SVIL: variants seen among roughly 807,000 people sequenced by gnomAD.
SVIL encodes the protein archvillin.
Under a neutral mutation model 240.4 loss-of-function variants are expected in SVIL, and 101 were observed. The ratio of observed to expected loss-of-function variants is 0.42; its 90% CI spans 0.36 to 0.50. The LOEUF (loss-of-function observed/expected upper bound fraction) is 0.50. Ranked by LOEUF, SVIL falls within the 20% of genes least tolerant of loss-of-function variation. The pLI, the probability that SVIL is intolerant of heterozygous loss-of-function variation, is 0.01. For synonymous variants in SVIL, 999 were observed against 1,100.0 expected (o/e 0.91, Z 1.82); for missense variants, 2,512 against 2,818.7 (o/e 0.89, Z 2.46).
chr10:29,617,803 G>C (rs1957484194), intron 1 of SVIL, among the ~76,000 whole-genome samples: 1 of 152,184 alleles, frequency 6.6e-6, no homozygotes, highest in African/African-American at 2.4e-5. Context: ...ATTAGTTTCA[G>C]TGTGGCTCTC....
intron 1 of SVIL, among the ~76,000 whole-genome samples, chr10:29,695,141 C>A (rs1961826735): frequency 6.6e-6 from 1 of 152,172 alleles, no homozygotes. Context: ...GATGTGGCAC[C>A]ACCAACACTA....
intron 2 of SVIL, among the ~76,000 whole-genome samples, chr10:29,674,775 C>CTCAAGGAGAA (rs1357911932): frequency 1.3e-5 from 2 of 152,150 alleles, no homozygotes; most frequent in African/African-American, 4.8e-5. Flanking sequence ...GCTGGAGGCT[C>CTCAAGGAGAA]TCAAGGAGAA....
At chr10:29,676,561 G>A (rs60180663) in intron 2 of SVIL, among the ~76,000 whole-genome samples, 5,226 of 152,242 alleles carry the variant, frequency 0.034, 306 homozygotes, top group African/African-American at 0.12. Flanking sequence ...GAGGTTTGCA[G>A]AGATTTCCTC....
chr10:29,661,184 A>AG, intron 2 of SVIL, among the ~76,000 whole-genome samples: 1 of 151,748 alleles, frequency 6.6e-6, no homozygotes, highest in Admixed American at 6.5e-5. Flanking sequence ...AAAAAAAAAA[A>AG]GCCTGTGCCT....
intron 5 of SVIL, 133 bp from the exon 6 acceptor site, chr10:29,551,396 T>C: frequency 1.2e-6 from 1 of 835,746 alleles, no homozygotes; most frequent in Non-Finnish European, 1.8e-6. Flanking sequence ...CTCACCGAGG[T>C]GTGTTTGCCT....
intron 1 of SVIL, among the ~76,000 whole-genome samples, chr10:29,718,340 T>A (rs1313175817): frequency 2.0e-5 from 3 of 151,156 alleles, no homozygotes; most frequent in Admixed American, 6.6e-5. Context: ...AAAAAAAAAA[T>A]TCGCCTGTTT....
chr10:29,488,777 AAC>A lies in SVIL; in HGVS notation c.4193-23_4193-22del, dbSNP rs1588948593. The A allele has an allele frequency of 5.0e-6, 8 of 1,606,190 alleles. No individual in the cohort carries two copies. In the African/African-American group the frequency reaches 6.7e-5, roughly 13 times the overall value. ...AGACACTGGGCACGTTGAATAAGGA[AAC>A]ACAACGCAGGAGGTTCAGTTACAGT... On this transcript the variant is annotated intron_variant, in intron 22 of 37. Coordinates refer to ENST00000355867, the MANE Select transcript of SVIL (RefSeq NM_021738.3).
In SVIL at chr10:29,465,768, A is replaced by C. The variant is rs780761335; in HGVS notation, c.5978-18T>G. ...TCCAGGATCTTTGAAAGAAAAGAGAACAAAGCTGAAGATATCATGTGCATC... is the reference window on the plus strand; with the variant it reads ...TCCAGGATCTTTGAAAGAAAAGAGACCAAAGCTGAAGATATCATGTGCATC... On this transcript the variant is annotated intron_variant, in intron 33 of 37. Coordinates refer to ENST00000355867, the MANE Select transcript of SVIL (RefSeq NM_021738.3). 3 of 1,609,456 alleles carry C rather than the reference A, an allele frequency of 1.9e-6. No homozygotes were observed. The African/African-American group carries it at 4.0e-5, about 22-fold the overall frequency.
chr10:29,571,464 C>T (rs571865775), intron 1 of SVIL, among the ~76,000 whole-genome samples: 80 of 152,306 alleles, frequency 5.3e-4, no homozygotes, highest in African/African-American at 9.9e-4. Flanking sequence ...GAAGAAGGGA[C>T]GCTTGAGTAT....
chr10:29,527,164 C>A, intron 12 of SVIL, 108 bp from the exon 13 acceptor site: 1 of 1,029,684 alleles, frequency 9.7e-7, no homozygotes, highest in East Asian at 2.7e-5. Context: ...AAAATTTTAA[C>A]AGAATATTTT....
At chr10:29,473,783 C>G in intron 30 of SVIL, 55 bp downstream of exon 30, 1 of 1,610,572 alleles carries the variant, frequency 6.2e-7, no homozygotes, top group East Asian at 2.2e-5. Flanking sequence ...GCCATCGGCT[C>G]CCAGGAGAGG....
chr10:29,586,912 G>T (rs1210381353), intron 1 of SVIL, among the ~76,000 whole-genome samples: 1 of 152,108 alleles, frequency 6.6e-6, no homozygotes, highest in Non-Finnish European at 1.5e-5. Flanking sequence ...GTGGGAGGAG[G>T]GAGAAGATTA....
intron 10 of SVIL, among the ~76,000 whole-genome samples, 188 bp from the exon 11 acceptor site, chr10:29,530,856 C>T (rs1356160489): frequency 6.6e-6 from 1 of 152,198 alleles, no homozygotes; most frequent in Non-Finnish European, 1.5e-5. Flanking sequence ...ACTAATTTCC[C>T]TTGCAATTCA....
intron 1 of SVIL, among the ~76,000 whole-genome samples, chr10:29,602,712 G>A (rs374867350): frequency 2.0e-5 from 3 of 152,002 alleles, no homozygotes; most frequent in East Asian, 1.9e-4. Context: ...GAGGCCGGGC[G>A]CTGTGGCTCA....
At chr10:29,557,203 C>T (rs1392528572) in intron 3 of SVIL, among the ~76,000 whole-genome samples, 3 of 152,142 alleles carry the variant, frequency 2.0e-5, no homozygotes, top group African/African-American at 7.2e-5. Flanking sequence ...TCAAGTGATC[C>T]TCCCAACTCA....
intron 1 of SVIL, among the ~76,000 whole-genome samples, chr10:29,699,637 A>T (rs1360309871): frequency 6.6e-6 from 1 of 152,186 alleles, no homozygotes; most frequent in African/African-American, 2.4e-5. Flanking sequence ...AGCTCAGGAC[A>T]CGCTGAAGCC....
intron 11 of SVIL, 83 bp from the exon 12 acceptor site, chr10:29,529,927 T>G: frequency 7.1e-7 from 1 of 1,405,786 alleles, no homozygotes; most frequent in Non-Finnish European, 9.5e-7. Flanking sequence ...TCCCAGCACT[T>G]TGGGAGGCTA....
At chr10:29,535,951 T>C (rs780515575) in intron 7 of SVIL, 38 bp downstream of exon 7, 17 of 1,608,506 alleles carry the variant, frequency 1.1e-5, no homozygotes, top group Non-Finnish European at 1.4e-5. Flanking sequence ...GAAGCAACAC[T>C]CATGCACACA....
At chr10:29,521,105 C>T (rs982795263) in intron 16 of SVIL, among the ~76,000 whole-genome samples, 1 of 151,598 alleles carries the variant, frequency 6.6e-6, no homozygotes, top group African/African-American at 2.4e-5. Context: ...CGTCTGTAGT[C>T]CCAGCCACTT....
Sources: allele counts gnomAD v4.1 joint callset (sites outside exome capture counted in the v4.1 genomes callset), GRCh38; gene constraint gnomAD v4.1.1; transcripts MANE v1.5; gene names NCBI Gene and HGNC (gene_info 2026-07-23, HGNC 2026-07-21).